SEPTIN9: variants seen among roughly 807,000 people sequenced by gnomAD.
The protein encoded by SEPTIN9 is septin-9.
A neutral mutation model predicts 56.6 loss-of-function variants in SEPTIN9; 13 were observed. The observed-to-expected ratio is 0.23, with a 90% CI of 0.15 to 0.37. The LOEUF (loss-of-function observed/expected upper bound fraction) is 0.37, where lower values mean the gene tolerates loss of function less well. Ranked by LOEUF, SEPTIN9 falls within the 10% of genes least tolerant of loss-of-function variation. SEPTIN9 has a pLI of 1.00. For missense variants in SEPTIN9, 650 were observed against 823.1 expected (o/e 0.79, Z 2.57); for synonymous variants, 332 against 334.1 (o/e 0.99, Z 0.07).
rs189152235 is a variant in SEPTIN9, at chr17:77,428,056, C to T, written c.721+25353C>T. Reference sequence around the variant, plus strand: ...GCATGCCAGCCACCAAGCTCAGGGCCCTCTGTGCATCTCCTGTAACCCTCA... The same window carrying T: ...GCATGCCAGCCACCAAGCTCAGGGCTCTCTGTGCATCTCCTGTAACCCTCA... On this transcript the variant is annotated intron_variant, in intron 3 of 11. Transcript: ENST00000427177. 5.3e-5 allele frequency among the ~76,000 whole-genome samples: 8 copies of T among 152,350 alleles called. No individual in the cohort carries two copies. In the East Asian group the frequency reaches 1.2e-3, roughly 22 times the overall value.
chr17:77,347,949 T>C (rs1308436495), intron 2 of SEPTIN9, among the ~76,000 whole-genome samples: 1 of 152,182 alleles, frequency 6.6e-6, no homozygotes, highest in African/African-American at 2.4e-5. Context: ...AAGTGCATTT[T>C]TGAGATGATA....
At chr17:77,439,255 G>T (rs537551582) in intron 3 of SEPTIN9, among the ~76,000 whole-genome samples, 1 of 152,174 alleles carries the variant, frequency 6.6e-6, no homozygotes, top group Non-Finnish European at 1.5e-5. Flanking sequence ...AGCAGCATTG[G>T]CAGGGGTTGG....
rs987292911 is a variant in SEPTIN9 at position 77,421,485 on chromosome 17, G to A, written c.721+18782G>A. Among the ~76,000 whole-genome samples, 2 of 152,176 alleles carry A rather than the reference G, an allele frequency of 1.3e-5. No homozygotes were observed. Among genetic ancestry groups the A allele is most frequent in the Admixed American group, 1.3e-4 (2 of 15,280 alleles). On this transcript the variant is annotated intron_variant, in intron 3 of 11. Transcript: ENST00000427177. This position sits in a 1 kb window ranked among gnomAD's most constrained non-coding sequence, Gnocchi z 4.6. ...GGGGGTCTGTGCTTCCCTGGGGACC[G>A]AGATGAGGGCTCCAGGTTGGCTCCG...
chr17:77,485,109 GT>G (rs2039697617), intron 4 of SEPTIN9, among the ~76,000 whole-genome samples: 1 of 150,456 alleles, frequency 6.6e-6, no homozygotes, highest in Non-Finnish European at 1.5e-5. Flanking sequence ...TTGTGGTGAT[GT>G]GGGTGGTGGT....
chr17:77,358,160 G>A (rs954820890), intron 2 of SEPTIN9, among the ~76,000 whole-genome samples: 1 of 152,158 alleles, frequency 6.6e-6, no homozygotes, highest in Admixed American at 6.6e-5. Flanking sequence ...TGTCCCCACG[G>A]GGTCTGCACC....
intron 3 of SEPTIN9, among the ~76,000 whole-genome samples, chr17:77,420,802 T>C (rs1426339710): frequency 6.6e-6 from 1 of 152,168 alleles, no homozygotes; most frequent in African/African-American, 2.4e-5. Context: ...GTGAAACCCT[T>C]GTCTCAGGTG....
rs1295887558 is a variant in SEPTIN9, at chr17:77,449,680, G to T, written c.722-32464G>T. Among the ~76,000 whole-genome samples the T allele has an allele frequency of 1.3e-5, 2 of 152,216 alleles. No individual in the cohort carries two copies. The highest frequency in any genetic ancestry group is 4.8e-5 in the African/African-American group (2 of 41,452). ...TTCCTTCTGGCATCCTTTGTCAGCG[G>T]TTTCTGGAGCTGCCCTTTAGGGGCC... On this transcript the variant is annotated intron_variant, in intron 3 of 11. Coordinates refer to ENST00000427177, the MANE Select transcript of SEPTIN9 (RefSeq NM_001113491.2). This position sits in a 1 kb window ranked among gnomAD's most constrained non-coding sequence, Gnocchi z 4.6.
intron 3 of SEPTIN9, among the ~76,000 whole-genome samples, chr17:77,431,696 G>A (rs1434139789): frequency 6.6e-6 from 1 of 152,042 alleles, no homozygotes; most frequent in Non-Finnish European, 1.5e-5. Flanking sequence ...CTGGTGTGGT[G>A]GCACATGCCT....
chr17:77,338,544 G>A (rs891727445), intron 2 of SEPTIN9, among the ~76,000 whole-genome samples: 4 of 151,920 alleles, frequency 2.6e-5, no homozygotes, highest in African/African-American at 7.3e-5. Flanking sequence ...TCAGCCTCCC[G>A]AGTAGCTGGG....
intron 1 of SEPTIN9, among the ~76,000 whole-genome samples, chr17:77,304,061 C>A (rs149285590): frequency 6.6e-6 from 1 of 152,234 alleles, no homozygotes; most frequent in East Asian, 1.9e-4. Context: ...ACTGGAGCCA[C>A]GGAATCGTTA....
In SEPTIN9 at chr17:77,423,894, C is replaced by T. The variant is rs529967765; in HGVS notation, c.721+21191C>T. On this transcript the variant is annotated intron_variant, in intron 3 of 11. Transcript: ENST00000427177. ...CATGTGCTCTGGAAGCAGGTGCCAGCGATGAGCTCATCTGGAGGGTGGCCG... is the reference window on the plus strand; with the variant it reads ...CATGTGCTCTGGAAGCAGGTGCCAGTGATGAGCTCATCTGGAGGGTGGCCG... Among the ~76,000 whole-genome samples, 24 of 152,256 alleles carry T rather than the reference C, an allele frequency of 1.6e-4. No homozygotes were observed. The East Asian group carries it at 4.1e-3, about 26-fold the overall frequency.
In SEPTIN9 at chr17:77,377,602, A is replaced by G. The variant is rs4789453; in HGVS notation, c.77-24457A>G. 0.011 allele frequency among the ~76,000 whole-genome samples: 1,664 copies of G among 152,108 alleles called. 99 individuals are homozygous for G. In the East Asian group the frequency reaches 0.17, roughly 16 times the overall value. On this transcript the variant is annotated intron_variant, in intron 2 of 11. Transcript: ENST00000427177. ...CCACTGTCGCCCGAGGAGGACCCCC[A>G]GATCTGTGTTCTGGAGGCAGAGCAG...
chr17:77,455,822 A>G (rs1322592578), intron 3 of SEPTIN9, among the ~76,000 whole-genome samples: 2 of 152,138 alleles, frequency 1.3e-5, no homozygotes, highest in Non-Finnish European at 1.5e-5. Flanking sequence ...TTTTATCCAA[A>G]TAGTTTGTGG....
intron 3 of SEPTIN9, among the ~76,000 whole-genome samples, chr17:77,415,319 A>T (rs1016083337): frequency 6.6e-6 from 1 of 152,146 alleles, no homozygotes; most frequent in African/African-American, 2.4e-5. Flanking sequence ...TTATTCAAGA[A>T]GTCTCGGCCA....
At chr17:77,387,252 C>G (rs372488053) in intron 2 of SEPTIN9, among the ~76,000 whole-genome samples, 1 of 152,206 alleles carries the variant, frequency 6.6e-6, no homozygotes, top group Non-Finnish European at 1.5e-5. Context: ...TGGTGGCTCC[C>G]GGGTGCTCCT....
At position 77,389,669 on chromosome 17, in the gene SEPTIN9, C is replaced by A. The variant is rs987268691; in HGVS notation, c.77-12390C>A. On this transcript the variant is annotated intron_variant, in intron 2 of 11. Coordinates refer to ENST00000427177, the MANE Select transcript of SEPTIN9 (RefSeq NM_001113491.2). This position sits in a 1 kb window ranked among gnomAD's most constrained non-coding sequence, Gnocchi z 4.3. Reference sequence around the variant, plus strand: ...ACCCTCCCACACAGATCCGTCCCACCCTTCTGCTGCCTTCCACCAGGGACG... The same window carrying A: ...ACCCTCCCACACAGATCCGTCCCACACTTCTGCTGCCTTCCACCAGGGACG... Among the ~76,000 whole-genome samples, 1 of 151,998 alleles carries A rather than the reference C, an allele frequency of 6.6e-6. No individual in the cohort carries two copies. Among genetic ancestry groups the A allele is most frequent in the African/African-American group, 2.4e-5 (1 of 41,392 alleles).
chr17:77,298,171 C>T (rs1292144753), intron 1 of SEPTIN9, among the ~76,000 whole-genome samples: 1 of 152,234 alleles, frequency 6.6e-6, no homozygotes, highest in East Asian at 1.9e-4. Context: ...CATCATATGC[C>T]TTCAGTAGGC....
chr17:77,319,551 G>T lies in SEPTIN9; in HGVS notation c.76+12354G>T, dbSNP rs755783600. 1 of 1,053,598 alleles carries T rather than the reference G, an allele frequency of 9.5e-7. No homozygotes were observed. The highest frequency in any genetic ancestry group is 1.1e-6 in the Non-Finnish European group (1 of 871,950). The allele number at this position is 1,053,598 out of a possible 1,614,324, so 65.3% of individuals were successfully genotyped here. On this transcript the variant is annotated intron_variant, in intron 2 of 11. Coordinates refer to ENST00000427177, the MANE Select transcript of SEPTIN9 (RefSeq NM_001113491.2). This position sits in a 1 kb window ranked among gnomAD's most constrained non-coding sequence, Gnocchi z 5.3. ...CTGCAGACTAATGGGACGGAGGGGG[G>T]TGACTTCTCAGGGTTCCTCCTGGGC...
chr17:77,320,373 C>A, intron 2 of SEPTIN9: 3 of 1,601,714 alleles, frequency 1.9e-6, no homozygotes, highest in Non-Finnish European at 2.6e-6. Context: ...CCCTCCCCAT[C>A]GGCCGCCCCC....
Sources: gnomAD v4.1 joint callset for allele counts (sites outside exome capture counted in the v4.1 genomes callset) on GRCh38, gnomAD v4.1.1 for gene constraint, Gnocchi (gnomAD v3.1) non-coding constraint, MANE v1.5 for transcripts, NCBI Gene and HGNC (gene_info 2026-07-23, HGNC 2026-07-21) for gene names.